PSMA1: variants seen among roughly 807,000 people sequenced by gnomAD.
The protein encoded by PSMA1 is proteasome 20S subunit alpha 1.
In PSMA1, 3 loss-of-function variants were observed where a neutral mutation model predicts 38.4. That is an observed-to-expected ratio of 0.08 (90% confidence interval 0.04 to 0.20). PSMA1 has a LOEUF of 0.20. PSMA1 is among the 10% of genes least tolerant of loss of function. The probability of loss-of-function intolerance (pLI) is 1.00; values close to 1 mark genes in which losing one functional copy is unlikely to be tolerated. For missense variants in PSMA1, 227 were observed against 325.3 expected (o/e 0.70, Z 2.32); for synonymous variants, 101 against 107.1 (o/e 0.94, Z 0.35).
At chr11:14,520,534 C>T (rs573240808), upstream of PSMA1, 1,061 of 1,376,948 alleles carry the variant, frequency 7.7e-4, 9 homozygotes, top group Middle Eastern at 7.7e-4. Flanking sequence ...CTGAGACTGG[C>T]GGGAAAACCT....
intron 2 of PSMA1, among the ~76,000 whole-genome samples, chr11:14,531,222 T>C (rs1851644483): frequency 6.6e-6 from 1 of 152,172 alleles, no homozygotes; most frequent in Non-Finnish European, 1.5e-5. Flanking sequence ...TGAACTTTGG[T>C]GTACAAATGA....
chr11:14,600,241 C>T (rs1852563619), intron 2 of PSMA1, among the ~76,000 whole-genome samples: 1 of 152,228 alleles, frequency 6.6e-6, no homozygotes, highest in Non-Finnish European at 1.5e-5. Flanking sequence ...GTTCTCAGAG[C>T]TCAAACGCTA....
chr11:14,610,959 T>C (rs1852701474), intron 2 of PSMA1: 1 of 1,612,918 alleles, frequency 6.2e-7, no homozygotes, highest in South Asian at 1.1e-5. Context: ...AGCAAAGATA[T>C]TCTCACCTTC....
chr11:14,613,014 G>A (rs1047370809), intron 1 of PSMA1, among the ~76,000 whole-genome samples: 3 of 152,044 alleles, frequency 2.0e-5, no homozygotes, highest in Non-Finnish European at 2.9e-5. Flanking sequence ...ACATGGTTAT[G>A]CAGTGTATTA....
chr11:14,614,291 T>G (rs1001930710), intron 1 of PSMA1, among the ~76,000 whole-genome samples: 2 of 152,168 alleles, frequency 1.3e-5, no homozygotes, highest in Non-Finnish European at 2.9e-5. Flanking sequence ...GTGTCATCAG[T>G]GGATTTATTT....
At chr11:14,547,782 G>C (rs957064379) in intron 2 of PSMA1, among the ~76,000 whole-genome samples, 3 of 152,182 alleles carry the variant, frequency 2.0e-5, no homozygotes, top group African/African-American at 7.2e-5. Context: ...GATCGATGGA[G>C]GGAGGCAAAA....
rs1381906937 is a variant in PSMA1 at position 14,534,881 on chromosome 11, G to A, written c.22-15840C>T. Among the ~76,000 whole-genome samples the A allele has an allele frequency of 6.6e-6, 1 of 152,190 alleles. No homozygotes were observed. Among genetic ancestry groups the A allele is most frequent in the Non-Finnish European group, 1.5e-5 (1 of 68,042 alleles). Reference sequence around the variant, plus strand: ...TCCTGAGATCAGGAATTCAAGACCAGCCTGGCCAACATGGCAAAACCCCGT... The same window carrying A: ...TCCTGAGATCAGGAATTCAAGACCAACCTGGCCAACATGGCAAAACCCCGT... On this transcript the variant is annotated intron_variant, in intron 2 of 10. Coordinates refer to the PSMA1 transcript ENST00000418988. This position sits in a 1 kb window ranked among gnomAD's most constrained non-coding sequence, Gnocchi z 4.5.
chr11:14,581,709 T>G (rs530931127), intron 2 of PSMA1, among the ~76,000 whole-genome samples: 3 of 152,358 alleles, frequency 2.0e-5, no homozygotes, highest in African/African-American at 7.2e-5. Context: ...TATTGATTTG[T>G]CTGTCTGAAA....
chr11:14,630,955 A>C (rs1852996851), intron 1 of PSMA1, among the ~76,000 whole-genome samples: 1 of 152,104 alleles, frequency 6.6e-6, no homozygotes, highest in Non-Finnish European at 1.5e-5. Context: ...ATTTGCGTAG[A>C]GGTGTTTGTA....
intron 2 of PSMA1, among the ~76,000 whole-genome samples, chr11:14,552,413 A>C (rs1851895897): frequency 6.6e-6 from 1 of 152,226 alleles, no homozygotes; most frequent in Non-Finnish European, 1.5e-5. Flanking sequence ...GATTTAAAGA[A>C]GAGAGAGAAA....
intron 1 of PSMA1, 93 bp from the exon 2 acceptor site, chr11:14,519,134 C>A: frequency 9.5e-7 from 1 of 1,049,702 alleles, no homozygotes; most frequent in South Asian, 1.3e-5. Context: ...TATTTCCATT[C>A]AATGTTAAGG....
chr11:14,634,775 C>T (rs1853090369), intron 1 of PSMA1, among the ~76,000 whole-genome samples: 2 of 152,058 alleles, frequency 1.3e-5, no homozygotes, highest in Non-Finnish European at 2.9e-5. Flanking sequence ...CTAATATATC[C>T]CTTCATTCTT....
chr11:14,509,754 G>A (rs1224475415), intron 8 of PSMA1, among the ~76,000 whole-genome samples: 18 of 131,016 alleles, frequency 1.4e-4, no homozygotes, highest in African/African-American at 3.6e-4. Context: ...TCGCTCTGTC[G>A]CCCAGGCTGG....
intron 2 of PSMA1, among the ~76,000 whole-genome samples, chr11:14,539,061 T>G (rs1851742760): frequency 6.6e-6 from 1 of 152,218 alleles, no homozygotes; most frequent in Admixed American, 6.5e-5. Context: ...GCAGCCATTG[T>G]TTTCTTATGG....
upstream of PSMA1, among the ~76,000 whole-genome samples, chr11:14,523,027 G>A (rs1589982335): frequency 6.6e-6 from 1 of 152,132 alleles, no homozygotes; most frequent in Non-Finnish European, 1.5e-5. Context: ...CTGTCCTTCT[G>A]ATAATTATTT....
At chr11:14,512,271 G>A (rs551543561) in intron 7 of PSMA1, among the ~76,000 whole-genome samples, 4 of 152,230 alleles carry the variant, frequency 2.6e-5, no homozygotes, top group South Asian at 4.1e-4. Flanking sequence ...CTACTCAGGA[G>A]GCTGAGGCAG....
chr11:14,580,236 C>A (rs566148695), intron 2 of PSMA1, among the ~76,000 whole-genome samples: 67 of 152,316 alleles, frequency 4.4e-4, no homozygotes, highest in African/African-American at 1.5e-3. Flanking sequence ...ATTTTAGAAT[C>A]ATCTCTCACC....
intron 1 of PSMA1, among the ~76,000 whole-genome samples, chr11:14,637,188 C>T (rs559572927): frequency 6.6e-6 from 1 of 152,296 alleles, no homozygotes; most frequent in South Asian, 2.1e-4. Context: ...CCCCACAAAT[C>T]ATACCAATCT....
chr11:14,514,629 G>T, intron 4 of PSMA1, 138 bp from the exon 5 acceptor site: 1 of 658,122 alleles, frequency 1.5e-6, no homozygotes, highest in South Asian at 3.1e-5. Context: ...AGGTAAGAAA[G>T]ACATGCCTGC....
Sources: gnomAD v4.1 joint callset for allele counts (sites outside exome capture counted in the v4.1 genomes callset) on GRCh38, gnomAD v4.1.1 for gene constraint, Gnocchi (gnomAD v3.1) non-coding constraint, MANE v1.5 for transcripts, NCBI Gene and HGNC (gene_info 2026-07-23, HGNC 2026-07-21) for gene names.